VWF: variants seen among roughly 807,000 people sequenced by gnomAD.
VWF encodes the protein von Willebrand factor.
In VWF, 176 loss-of-function variants were observed where a neutral mutation model predicts 308.6. The observed-to-expected ratio is 0.57, with a 90% CI of 0.50 to 0.65. The LOEUF (loss-of-function observed/expected upper bound fraction) is 0.65, where lower values mean the gene tolerates loss of function less well. Among genes scored for constraint, VWF ranks in the 30% least tolerant of loss-of-function variants. The pLI is 0.00. For synonymous variants in VWF, 1,385 were observed against 1,443.4 expected (o/e 0.96, Z 0.92); for missense variants, 3,146 against 3,648.2 (o/e 0.86, Z 3.55).
intron 7 of VWF, among the ~76,000 whole-genome samples, chr12:6,074,292 A>G (rs1944815035): frequency 1.3e-5 from 2 of 151,948 alleles, no homozygotes; most frequent in Non-Finnish European, 2.9e-5. Context: ...GTTCTTCCCA[A>G]TGGAACCAGC....
chr12:6,092,620 T>TGAGAGTGAGAGAGAGAGAGA (rs1250915385), intron 6 of VWF, among the ~76,000 whole-genome samples: 123 of 89,514 alleles, frequency 1.4e-3, no homozygotes, highest in South Asian at 5.3e-3. Context: ...TGAGTGAGAG[T>TGAGAGTGAGAGAGAGAGAGA]GTGTGTGTGT....
chr12:5,959,333 G>C (rs1477063709), intron 47 of VWF, among the ~76,000 whole-genome samples: 3 of 152,166 alleles, frequency 2.0e-5, no homozygotes, highest in African/African-American at 7.2e-5. Context: ...AGCAAAAATG[G>C]ATAGAACTAA....
At chr12:6,016,701 C>G in intron 29 of VWF, 45 bp from the exon 30 acceptor site, 1 of 1,614,230 alleles carries the variant, frequency 6.2e-7, no homozygotes, top group Non-Finnish European at 8.5e-7. Context: ...TCAAGTAGAG[C>G]CACAAAAAGA....
chr12:6,116,557 G>A (rs1425549654), intron 3 of VWF, among the ~76,000 whole-genome samples: 1 of 152,242 alleles, frequency 6.6e-6, no homozygotes, highest in Non-Finnish European at 1.5e-5. Context: ...TCAGCAGGCT[G>A]TTGGTTGTTG....
At chr12:5,997,520 T>C (rs1943819377) in intron 34 of VWF, among the ~76,000 whole-genome samples, 2 of 152,170 alleles carry the variant, frequency 1.3e-5, no homozygotes, top group South Asian at 4.1e-4. Flanking sequence ...CTTGGATCAG[T>C]TACTTAACTT....
At chr12:5,978,321 G>T (rs922739575) in intron 42 of VWF, among the ~76,000 whole-genome samples, 3 of 151,998 alleles carry the variant, frequency 2.0e-5, no homozygotes, top group Non-Finnish European at 4.4e-5. Context: ...AGAGTGCAAT[G>T]GCACAATCTC....
At chr12:6,068,837 T>C (rs1220342506) in intron 10 of VWF, among the ~76,000 whole-genome samples, 26 of 83,746 alleles carry the variant, frequency 3.1e-4, no homozygotes, top group Non-Finnish European at 5.4e-4. Flanking sequence ...TTTTTTTGCG[T>C]GTGTGTGTGT....
intron 34 of VWF, among the ~76,000 whole-genome samples, chr12:5,999,572 A>G (rs951821054): frequency 1.6e-4 from 24 of 152,266 alleles, no homozygotes; most frequent in Admixed American, 5.9e-4. Context: ...TGTAAAACCC[A>G]AAATTCACAA....
At chr12:5,970,549 G>A (rs1317966434) in intron 44 of VWF, among the ~76,000 whole-genome samples, 1 of 152,172 alleles carries the variant, frequency 6.6e-6, no homozygotes, top group South Asian at 2.1e-4. Context: ...TCCATCCAGG[G>A]CACATGGGAG....
At chr12:6,122,713 A>G in intron 2 of VWF, 1 of 521,312 alleles carries the variant, frequency 1.9e-6, no homozygotes, top group Non-Finnish European at 3.8e-6. Context: ...CCTGGAACCC[A>G]GGAAGACTGA....
chr12:6,072,181 C>T, intron 9 of VWF, 150 bp downstream of exon 9: 1 of 692,058 alleles, frequency 1.4e-6, no homozygotes, highest in Non-Finnish European at 2.5e-6. Flanking sequence ...CCACACCTGT[C>T]CCTAGCCCCC....
intron 34 of VWF, 45 bp from the exon 35 acceptor site, chr12:5,996,267 C>T: frequency 1.3e-6 from 2 of 1,552,904 alleles, no homozygotes; most frequent in Non-Finnish European, 8.8e-7. Flanking sequence ...TATCCAAACC[C>T]CCATGCCTAC....
intron 6 of VWF, among the ~76,000 whole-genome samples, chr12:6,088,396 G>T (rs1223233388): frequency 6.6e-6 from 1 of 151,500 alleles, no homozygotes; most frequent in Non-Finnish European, 1.5e-5. Context: ...GGAGAATGGC[G>T]TGAACCCGGG....
chr12:6,070,024 C>T (rs1214589092), intron 10 of VWF, among the ~76,000 whole-genome samples: 2 of 152,206 alleles, frequency 1.3e-5, no homozygotes, highest in Non-Finnish European at 2.9e-5. Flanking sequence ...TTCCTAATTC[C>T]ATCCACTGTG....
chr12:5,958,021 T>G (rs895457169), intron 47 of VWF, among the ~76,000 whole-genome samples: 12 of 151,952 alleles, frequency 7.9e-5, no homozygotes, highest in African/African-American at 2.2e-4. Flanking sequence ...TCAATCAAAG[T>G]GTACTGTGAT....
rs1212135386 is a variant in VWF, at chr12:6,018,824, G to C, written c.4594C>G (p.Gln1532Glu). The C allele has an allele frequency of 6.2e-7, 1 of 1,613,784 alleles. No homozygotes were observed. Among genetic ancestry groups the C allele is most frequent in the East Asian group, 2.2e-5 (1 of 44,886 alleles). The change falls in exon 28 of 52, where the codon CAG becomes GAG. Residue 1532 changes from glutamine to glutamate, a missense_variant. Coordinates refer to ENST00000261405, the MANE Select transcript of VWF (RefSeq NM_000552.5). ...EEVIQRMDVG[Q>E]DSIHVTVLQY... ...AGCACCGTGACGTGGATGCTGTCCT[G>C]GCCCACATCCATCCGCTGAATCACC...
chr12:6,115,376 AAT>A (rs1945351725), intron 3 of VWF, among the ~76,000 whole-genome samples: 1 of 152,066 alleles, frequency 6.6e-6, no homozygotes, highest in Admixed American at 6.5e-5. Flanking sequence ...CTAGGCCTAT[AAT>A]TCAGAAAAAC....
At position 6,076,730 on chromosome 12, in the gene VWF, C is replaced by T. The variant is rs987350779; in HGVS notation, c.658-1179G>A. On this transcript the variant is annotated intron_variant, in intron 6 of 51. Transcript: ENST00000261405. ...AGCAAAAAAGAGGAAAGAAACGACC[C>T]GTTTTGAGGAGAGGGAAATTCAATC... Among the ~76,000 whole-genome samples the T allele has an allele frequency of 6.6e-5, 10 of 152,170 alleles. No homozygotes were observed. The South Asian group carries it at 8.3e-4, about 13-fold the overall frequency.
chr12:6,062,738 G>T (rs1944668468), intron 13 of VWF, among the ~76,000 whole-genome samples: 1 of 152,118 alleles, frequency 6.6e-6, no homozygotes, highest in African/African-American at 2.4e-5. Flanking sequence ...TGGGATAGCA[G>T]AGCCCAGCAG....
Sources: gnomAD v4.1 joint callset for allele counts (sites outside exome capture counted in the v4.1 genomes callset) on GRCh38, gnomAD v4.1.1 for gene constraint, MANE v1.5 for transcripts, NCBI Gene and HGNC (gene_info 2026-07-23, HGNC 2026-07-21) for gene names.